CNTNAP4: variants seen among roughly 807,000 people sequenced by gnomAD.
CNTNAP4 encodes contactin-associated protein-like 4.
Under a neutral mutation model 148.4 loss-of-function variants are expected in CNTNAP4, and 98 were observed. That is an observed-to-expected ratio of 0.66 (90% confidence interval 0.56 to 0.78). CNTNAP4 has a LOEUF of 0.78. Among genes scored for constraint, CNTNAP4 ranks in the 30% least tolerant of loss-of-function variants. The pLI is 0.00. For synonymous variants in CNTNAP4, 730 were observed against 565.1 expected, an observed-to-expected ratio of 1.29 and a Z score of -4.14; for missense variants, 1,935 against 1,565.6, an observed-to-expected ratio of 1.24 and a Z score of -3.98.
chr16:76,409,095 T>G (rs749885259), intron 3 of CNTNAP4, among the ~76,000 whole-genome samples: 7 of 152,042 alleles, frequency 4.6e-5, no homozygotes, highest in Non-Finnish European at 8.8e-5. Context: ...AATTTGAATG[T>G]ATGGCACAAT....
intron 3 of CNTNAP4, among the ~76,000 whole-genome samples, chr16:76,362,518 T>A (rs2013559689): frequency 6.6e-6 from 1 of 152,156 alleles, no homozygotes; most frequent in African/African-American, 2.4e-5. Flanking sequence ...GATTTCAAAA[T>A]ATATTACAAA....
intron 2 of CNTNAP4, among the ~76,000 whole-genome samples, chr16:76,327,698 A>G (rs1268505320): frequency 6.6e-6 from 1 of 152,024 alleles, no homozygotes; most frequent in Non-Finnish European, 1.5e-5. Flanking sequence ...AGTCCACTGG[A>G]CTCATTCTAG....
chr16:76,288,376 T>C (rs1170123578), intron 1 of CNTNAP4, among the ~76,000 whole-genome samples: 1 of 152,160 alleles, frequency 6.6e-6, no homozygotes, highest in African/African-American at 2.4e-5. Context: ...TACACTGCTT[T>C]TTCTTCTTCA....
intron 3 of CNTNAP4, among the ~76,000 whole-genome samples, 173 bp downstream of exon 3, chr16:76,355,684 A>C (rs2012510170): frequency 6.6e-6 from 1 of 152,128 alleles, no homozygotes; most frequent in East Asian, 1.9e-4. Context: ...TTTTATGGTA[A>C]ATTTATGAGA....
At chr16:76,496,455 C>A (rs2082406143) in intron 14 of CNTNAP4, among the ~76,000 whole-genome samples, 1 of 152,026 alleles carries the variant, frequency 6.6e-6, no homozygotes, top group South Asian at 2.1e-4. Flanking sequence ...TAGAGCTAAC[C>A]CTTCTCAGAT....
At chr16:76,363,105 A>G (rs1020771319) in intron 3 of CNTNAP4, among the ~76,000 whole-genome samples, 7 of 151,608 alleles carry the variant, frequency 4.6e-5, no homozygotes, top group African/African-American at 1.7e-4. Flanking sequence ...TCTTCAACAA[A>G]TGCTACTGGG....
intron 3 of CNTNAP4, among the ~76,000 whole-genome samples, chr16:76,377,158 T>C (rs1023738970): frequency 3.3e-5 from 5 of 152,110 alleles, no homozygotes; most frequent in Non-Finnish European, 7.3e-5. Flanking sequence ...GTCTTTTTTT[T>C]CATATATTGA....
chr16:76,339,952 C>G (rs1438502894), intron 2 of CNTNAP4, among the ~76,000 whole-genome samples: 1 of 152,146 alleles, frequency 6.6e-6, no homozygotes, highest in African/African-American at 2.4e-5. Flanking sequence ...TTAACTGCAG[C>G]TGGGAGGTGG....
At chr16:76,527,220 G>A (rs934249643) in intron 17 of CNTNAP4, among the ~76,000 whole-genome samples, 4 of 152,084 alleles carry the variant, frequency 2.6e-5, no homozygotes, top group African/African-American at 9.7e-5. Context: ...GGGCTTCTTT[G>A]TTTATAGATT....
chr16:76,457,790 T>C (rs1427330118), intron 8 of CNTNAP4, among the ~76,000 whole-genome samples: 7 of 137,844 alleles, frequency 5.1e-5, no homozygotes, highest in African/African-American at 1.3e-4. Context: ...TTATTTGTTA[T>C]TTTACTTTTT....
In CNTNAP4 at chr16:76,441,191, A is replaced by G. The variant is rs368484803; in HGVS notation, c.539-6821A>G. On this transcript the variant is annotated intron_variant, in intron 4 of 23. Coordinates refer to ENST00000611870, the MANE Select transcript of CNTNAP4 (RefSeq NM_033401.5). ...ATCTCAGGGTTGTGTGTCTTCCCCA[A>G]TTGACTATAAGCTCTTTCAAAAAAA... Among the ~76,000 whole-genome samples, 7 of 151,990 alleles carry G rather than the reference A, an allele frequency of 4.6e-5. No individual in the cohort carries two copies. The East Asian group carries it at 1.2e-3, about 25-fold the overall frequency.
At chr16:76,434,056 A>G (rs1250993683) in intron 4 of CNTNAP4, among the ~76,000 whole-genome samples, 2 of 150,430 alleles carry the variant, frequency 1.3e-5, no homozygotes, top group African/African-American at 2.4e-5. Flanking sequence ...GCACACACAC[A>G]TATATAGAAA....
At chr16:76,295,989 C>T (rs1959250954) in intron 1 of CNTNAP4, among the ~76,000 whole-genome samples, 1 of 152,042 alleles carries the variant, frequency 6.6e-6, no homozygotes, top group South Asian at 2.1e-4. Flanking sequence ...TGGCCAGCTA[C>T]TGAATAAGAA....
chr16:76,411,160 C>T (rs2078778940), intron 3 of CNTNAP4, among the ~76,000 whole-genome samples: 1 of 151,374 alleles, frequency 6.6e-6, no homozygotes, highest in Non-Finnish European at 1.5e-5. Context: ...TCTATCCAAA[C>T]TTTTTAAACA....
At chr16:76,312,495 T>C (rs923147615) in intron 1 of CNTNAP4, among the ~76,000 whole-genome samples, 2 of 152,140 alleles carry the variant, frequency 1.3e-5, no homozygotes, top group African/African-American at 4.8e-5. Context: ...GAGAAAAATA[T>C]CATGTTTACT....
intron 12 of CNTNAP4, among the ~76,000 whole-genome samples, chr16:76,485,749 T>C (rs1211442282): frequency 2.6e-5 from 4 of 152,288 alleles, no homozygotes; most frequent in South Asian, 2.1e-4. Context: ...AGACTTACAA[T>C]AGCATAATTA....
intron 3 of CNTNAP4, among the ~76,000 whole-genome samples, chr16:76,408,583 C>G (rs2144897172): frequency 6.6e-6 from 1 of 152,000 alleles, no homozygotes; most frequent in Admixed American, 6.6e-5. Context: ...TTTAAAACTT[C>G]CTAGCTTTAT....
At chr16:76,321,701 A>C (rs951630200) in intron 2 of CNTNAP4, among the ~76,000 whole-genome samples, 1 of 151,020 alleles carries the variant, frequency 6.6e-6, no homozygotes, top group African/African-American at 2.4e-5. Context: ...GGGCAGGAGA[A>C]TGGCATGAAC....
chr16:76,306,430 A>AAAATC (rs1567641668), intron 1 of CNTNAP4, among the ~76,000 whole-genome samples: 1 of 152,178 alleles, frequency 6.6e-6, no homozygotes, highest in East Asian at 1.9e-4. Context: ...AAAAACAAAC[A>AAAATC]AAATCCCACG....
Sources: allele counts gnomAD v4.1 joint callset (sites outside exome capture counted in the v4.1 genomes callset), GRCh38; gene constraint gnomAD v4.1.1; transcripts MANE v1.5; gene names NCBI Gene and HGNC (gene_info 2026-07-23, HGNC 2026-07-21).